OR2AG2: variants seen among roughly 807,000 people sequenced by gnomAD.
OR2AG2 encodes olfactory receptor family 2 subfamily AG member 2, also known as olfactory receptor 2AG2.
For missense variants in OR2AG2, 390 were observed against 391.9 expected, an observed-to-expected ratio of 1.00 and a Z score of 0.04; for synonymous variants, 167 against 157.1, an observed-to-expected ratio of 1.06 and a Z score of -0.47.
In OR2AG2 at chr11:6,766,965, CTTTA is replaced by C. The variant is rs1183426838; in HGVS notation, c.*1038_*1041del. 6.6e-6 allele frequency: 1 copy of C among 152,064 alleles called. No homozygotes were observed. The highest frequency in any genetic ancestry group is 1.5e-5 in the Non-Finnish European group (1 of 67,990). 9.4% of individuals were successfully genotyped at this position (152,064 alleles called of 1,614,324 possible). ...TACTTTCAATTCTATTTTATTCATT[CTTTA>C]TTTTAGTTTTAATTTTAGGCAATGT... is the stretch of plus-strand genomic sequence containing the variant. On this transcript the variant is annotated 3_prime_UTR_variant, in exon 2 of 2. Coordinates refer to ENST00000641124, the MANE Select transcript of OR2AG2 (RefSeq NM_001004490.2).
chr11:6,771,179 A>G (rs1847443408), intron 1 of OR2AG2, among the ~76,000 whole-genome samples: 1 of 152,200 alleles, frequency 6.6e-6, no homozygotes, highest in African/African-American at 2.4e-5. Flanking sequence ...TCTGCTCAGT[A>G]TATTTATTTT....
In OR2AG2 at chr11:6,768,163, G is replaced by A. The variant is rs377519913; in HGVS notation, c.795C>T (p.Phe265=). The A allele has an allele frequency of 6.8e-6, 11 of 1,614,054 alleles. No individual in the cohort carries two copies. The highest frequency in any genetic ancestry group is 9.3e-6 in the Non-Finnish European group (11 of 1,180,032). Residue 265 remains phenylalanine (F), a synonymous_variant, in exon 2 of 2, where the codon TTC becomes TTT. Transcript: ENST00000641124. Reference sequence around the variant, plus strand: ...TGATGTTGTCTTGTTTGGGGCTGTGGAAGGAACTGGGCAAGACATACATGA... The same window carrying A: ...TGATGTTGTCTTGTTTGGGGCTGTGAAAGGAACTGGGCAAGACATACATGA... ...ATFMYVLPSS[F]HSPKQDNIIS...
At position 6,768,041 on chromosome 11, in the gene OR2AG2, C is replaced by A. The variant is rs753648209; in HGVS notation, c.917G>T (p.Gly306Val). The A allele has an allele frequency of 2.4e-5, 38 of 1,613,718 alleles. No homozygotes were observed. The East Asian group carries it at 7.8e-4, about 33-fold the overall frequency. ...EVMRALRRVL[G>V]KYILLAHSTL The stretch of plus-strand genomic sequence containing the variant: ...GGAATGTGCCAGCAGTATGTATTTT[C>A]CCAGGACCCTCCTCAAGGCCCGCAT... Residue 306 changes from glycine (G) to valine (V), a missense_variant, in exon 2 of 2, where the codon GGA becomes GTA. Gly to Val is a moderately radical substitution (Grantham distance 109). Transcript: ENST00000641124.
At position 6,768,511 on chromosome 11, in the gene OR2AG2, C is replaced by G. The variant is rs755387908; in HGVS notation, c.447G>C (p.Trp149Cys). Reference protein sequence around the residue: ...RVCWIMVATSWILASLIAIGH... With the variant: ...RVCWIMVATSCILASLIAIGH... Reference sequence around the variant, plus strand: ...CTATAGCAATCAGGGATGCCAGGATCCAGGATGTGGCCACCATGATCCAGC... The same window carrying G: ...CTATAGCAATCAGGGATGCCAGGATGCAGGATGTGGCCACCATGATCCAGC... Residue 149 changes from tryptophan to cysteine, a missense_variant, in exon 2 of 2, where the codon TGG (tryptophan) becomes TGC (cysteine). Coordinates refer to ENST00000641124, the MANE Select transcript of OR2AG2 (RefSeq NM_001004490.2). 6.2e-7 allele frequency: 1 copy of G among 1,614,052 alleles called. No individual in the cohort carries two copies. The highest frequency in any genetic ancestry group is 2.2e-5 in the East Asian group (1 of 44,874).
chr11:6,768,432 G>A lies in OR2AG2; in HGVS notation c.526C>T (p.His176Tyr). ...LPFCVSWEIR[H>Y]LLCEIPPLLK... ...AAGGGTGGGATCTCACAGAGCAGAT[G>A]CCTGATTTCCCAGGACACACAGAAA... is the stretch of plus-strand genomic sequence containing the variant. Residue 176 changes from histidine to tyrosine, a missense_variant, in exon 2 of 2, where the codon CAT becomes TAT. Transcript: ENST00000641124. The A allele has an allele frequency of 8.1e-6, 13 of 1,614,176 alleles. No homozygotes were observed. Among genetic ancestry groups the A allele is most frequent in the Non-Finnish European group, 1.1e-5 (13 of 1,180,020 alleles).
rs1365834070 is a variant in OR2AG2, at chr11:6,768,255, T to A, written c.703A>T (p.Lys235Ter). ...GAAGAGCAGGTGACAAGGGCTTTCTTCCTCCCCTCATTTGATGGCATACGA... is the reference window on the plus strand; with the variant it reads ...GAAGAGCAGGTGACAAGGGCTTTCTACCTCCCCTCATTTGATGGCATACGA... ...VLRMPSNEGR[K>*]KALVTCSSHL... The change falls in exon 2 of 2, where the codon AAG (lysine) becomes TAG (stop). Residue 235 changes from lysine (K) to a stop codon, truncating the protein, a stop_gained. Coordinates refer to ENST00000641124, the MANE Select transcript of OR2AG2 (RefSeq NM_001004490.2). LOFTEE classifies it low-confidence loss of function (END_TRUNC). 1 of 1,614,094 alleles carries A rather than the reference T, an allele frequency of 6.2e-7. No homozygotes were observed. Among genetic ancestry groups the A allele is most frequent in the Non-Finnish European group, 8.5e-7 (1 of 1,179,996 alleles).
intron 1 of OR2AG2, among the ~76,000 whole-genome samples, chr11:6,770,192 G>C (rs561081195): frequency 6.6e-6 from 1 of 152,164 alleles, no homozygotes; most frequent in East Asian, 1.9e-4. Flanking sequence ...TGATATCTCA[G>C]GCACTGCACT....
In OR2AG2 at chr11:6,768,894, C is replaced by T; in HGVS notation, c.64G>A (p.Gly22Arg). 1 of 1,613,734 alleles carries T rather than the reference C, an allele frequency of 6.2e-7. No homozygotes were observed. Among genetic ancestry groups the T allele is most frequent in the Non-Finnish European group, 8.5e-7 (1 of 1,179,722 alleles). Reference sequence around the variant, plus strand: ...GTAGCATAGAGCAGTTCAGGAGACCCACTGTCATTCAGAATCCCCACCAAG... The same window carrying T: ...GTAGCATAGAGCAGTTCAGGAGACCTACTGTCATTCAGAATCCCCACCAAG... Reference protein sequence around the residue: ...FILVGILNDSGSPELLYATFT... With the variant: ...FILVGILNDSRSPELLYATFT... Residue 22 changes from glycine to arginine, a missense_variant, in exon 2 of 2, where the codon GGG becomes AGG. By Grantham distance (125) the Gly-to-Arg change is moderately radical. Coordinates refer to ENST00000641124, the MANE Select transcript of OR2AG2 (RefSeq NM_001004490.2).
rs765264957 is a variant in OR2AG2 at position 6,768,846 on chromosome 11, C to A, written c.112G>T (p.Ala38Ser). 1.6e-5 allele frequency: 26 copies of A among 1,613,936 alleles called. No individual in the cohort carries two copies. In the Admixed American group the frequency reaches 2.7e-4, roughly 17 times the overall value. The change falls in exon 2 of 2, where the codon GCA becomes TCA. Residue 38 changes from alanine to serine, a missense_variant. Transcript: ENST00000641124. ...AGCAGCAGACCATTGCTGGTCAGTG[C>A]CAACATGTATAGGATTGTAAATGTA... Reference protein sequence around the residue: ...YATFTILYMLALTSNGLLLLA... With the variant: ...YATFTILYMLSLTSNGLLLLA...
rs2119654747 is a variant in OR2AG2 at position 6,768,283 on chromosome 11, C to T, written c.675G>A (p.Val225=). 6.2e-7 allele frequency: 1 copy of T among 1,614,074 alleles called. No individual in the cohort carries two copies. The highest frequency in any genetic ancestry group is 8.5e-7 in the Non-Finnish European group (1 of 1,180,020). ...VASYTLVLFT[V]LRMPSNEGRK... is the part of the protein sequence containing the mutation. The stretch of plus-strand genomic sequence containing the variant: ...TCCCCTCATTTGATGGCATACGAAG[C>T]ACAGTGAATAGGACTAGTGTGTAGG... Residue 225 remains valine (V), a synonymous_variant, in exon 2 of 2, where the codon GTG becomes GTA. Transcript: ENST00000641124.
In OR2AG2 at chr11:6,767,266, C is replaced by G. The variant is rs1480309871; in HGVS notation, c.*741G>C. The G allele has an allele frequency of 1.3e-5, 2 of 151,904 alleles. No homozygotes were observed. The highest frequency in any genetic ancestry group is 6.6e-5 in the Admixed American group (1 of 15,240). The allele number at this position is 151,904 out of a possible 1,614,324, so 9.4% of individuals were successfully genotyped here. On this transcript the variant is annotated 3_prime_UTR_variant, in exon 2 of 2. Coordinates refer to ENST00000641124, the MANE Select transcript of OR2AG2 (RefSeq NM_001004490.2). ...CATTTTTGTATTTTTAGTAGAGACC[C>G]GGGTTCCACACGTTGGCCAGGCTGG...
rs2119646642 is a variant in OR2AG2 at position 6,766,279 on chromosome 11, C to T, written c.*1728G>A. The T allele has an allele frequency of 6.6e-6, 1 of 152,260 alleles. No individual in the cohort carries two copies. The highest frequency in any genetic ancestry group is 1.9e-4 in the East Asian group (1 of 5,184). The allele number at this position is 152,260 out of a possible 1,614,324, so 9.4% of individuals were successfully genotyped here. A position where few individuals can be genotyped will look rare whatever the true frequency, so the allele number is the denominator to read the frequency against. On this transcript the variant is annotated 3_prime_UTR_variant, in exon 2 of 2. Coordinates refer to ENST00000641124, the MANE Select transcript of OR2AG2 (RefSeq NM_001004490.2). Reference sequence around the variant, plus strand: ...ATTCAAATGCGGGCACTCTGGTCTGCTTTCTCATCACTACTCTAAAATATT... The same window carrying T: ...ATTCAAATGCGGGCACTCTGGTCTGTTTTCTCATCACTACTCTAAAATATT...
Position 6,766,731 on chromosome 11 carries a change from T to A in OR2AG2, c.*1276A>T, listed in dbSNP as rs1326615009. 1 of 152,174 alleles carries A rather than the reference T, an allele frequency of 6.6e-6. No homozygotes were observed. The highest frequency in any genetic ancestry group is 2.1e-4 in the South Asian group (1 of 4,838). The allele number at this position is 152,174 out of a possible 1,614,324, so 9.4% of individuals were successfully genotyped here. ...TAGAATAAAAAAAATAAGGCTTATTTAGGCTAGCTAGAAAGCAAATTATAA... is the reference window on the plus strand; with the variant it reads ...TAGAATAAAAAAAATAAGGCTTATTAAGGCTAGCTAGAAAGCAAATTATAA... On this transcript the variant is annotated 3_prime_UTR_variant, in exon 2 of 2. Transcript: ENST00000641124.
rs1006877546 is a variant in OR2AG2, at chr11:6,767,154, C to A, written c.*853G>T. ...GCAGTGGCGCGATCTCAGCTCACTG[C>A]GACCTCCGCCTCCCAGGGTCAAGCA... On this transcript the variant is annotated 3_prime_UTR_variant, in exon 2 of 2. Transcript: ENST00000641124. The A allele has an allele frequency of 6.6e-6, 1 of 152,156 alleles. No homozygotes were observed. Among genetic ancestry groups the A allele is most frequent in the Non-Finnish European group, 1.5e-5 (1 of 68,068 alleles). The allele number at this position is 152,156 out of a possible 1,614,324, so 9.4% of individuals were successfully genotyped here.
rs1442650976 is a variant in OR2AG2 at position 6,768,311 on chromosome 11, G to T, written c.647C>A (p.Ala216Asp). The T allele has an allele frequency of 1.2e-6, 2 of 1,613,986 alleles. No individual in the cohort carries two copies. The highest frequency in any genetic ancestry group is 1.7e-5 in the Admixed American group (1 of 59,990). Residue 216 changes from alanine to aspartate, a missense_variant, in exon 2 of 2, where the codon GCC becomes GAC. Ala to Asp is a moderately radical substitution (Grantham distance 126, BLOSUM62 -2). Transcript: ENST00000641124. ...AGTGAATAGGACTAGTGTGTAGGAG[G>T]CCACAATGGCAGAAATGGGGAGCAA... ...FLLLPISAIV[A>D]SYTLVLFTVL...
intron 1 of OR2AG2, among the ~76,000 whole-genome samples, chr11:6,771,101 T>C (rs757224243): frequency 1.1e-4 from 17 of 152,178 alleles, no homozygotes; most frequent in Non-Finnish European, 2.5e-4. Context: ...TTATGGAAAA[T>C]GGTCAGTCAA....
At chr11:6,771,288 T>C (rs1847444578) in intron 1 of OR2AG2, among the ~76,000 whole-genome samples, 1 of 152,236 alleles carries the variant, frequency 6.6e-6, no homozygotes, top group African/African-American at 2.4e-5. Flanking sequence ...TAGTCCTCCT[T>C]TGAGGTACTA....
rs202180366 is a variant in OR2AG2, at chr11:6,767,994, C to T, written c.*13G>A. Reference sequence around the variant, plus strand: ...TGGAGGAGGAATGGTGAGAGGCAAGCCATGATCCTTCCCTAGAGCGTGGAA... The same window carrying T: ...TGGAGGAGGAATGGTGAGAGGCAAGTCATGATCCTTCCCTAGAGCGTGGAA... On this transcript the variant is annotated 3_prime_UTR_variant, in exon 2 of 2. Transcript: ENST00000641124. The T allele has an allele frequency of 3.8e-6, 6 of 1,589,642 alleles. No homozygotes were observed.
intron 1 of OR2AG2, among the ~76,000 whole-genome samples, chr11:6,770,065 C>G (rs1399093542): frequency 6.6e-6 from 1 of 152,158 alleles, no homozygotes; most frequent in Non-Finnish European, 1.5e-5. Flanking sequence ...ATGTCCCTAT[C>G]CTGGTCAACT....
Sources: allele counts gnomAD v4.1 joint callset (sites outside exome capture counted in the v4.1 genomes callset), GRCh38; gene constraint gnomAD v4.1.1; transcripts MANE v1.5; gene names NCBI Gene and HGNC (gene_info 2026-07-23, HGNC 2026-07-21).